The following BRINP2 variants were observed in gnomAD, a reference collection of about 807,000 sequenced individuals.
The protein encoded by BRINP2 is BMP/retinoic acid inducible neural specific 2, also known as BMP/retinoic acid-inducible neural-specific protein 2.
In BRINP2, 21 loss-of-function variants were observed where a neutral mutation model predicts 69.2. The observed-to-expected ratio is 0.30, with a 90% CI of 0.22 to 0.44. BRINP2 has a LOEUF of 0.44. BRINP2 is among the 20% of genes least tolerant of loss of function. BRINP2 has a pLI of 1.00. For missense variants in BRINP2, 877 were observed against 986.0 expected (o/e 0.89, Z 1.48); for synonymous variants, 380 against 394.1 (o/e 0.96, Z 0.42).
At chr1:177,231,164 G>A (rs1649852360) in intron 2 of BRINP2, among the ~76,000 whole-genome samples, 2 of 152,184 alleles carry the variant, frequency 1.3e-5, no homozygotes, top group Middle Eastern at 3.4e-3. Flanking sequence ...CAACTTGCAT[G>A]CCTTATATAA....
chr1:177,193,670 G>A (rs189800414), intron 1 of BRINP2, among the ~76,000 whole-genome samples: 10 of 152,306 alleles, frequency 6.6e-5, no homozygotes, highest in Admixed American at 2.0e-4. Context: ...CCACTAAAGC[G>A]TTCCTCAGGT....
chr1:177,194,371 C>T (rs916845035), intron 1 of BRINP2, among the ~76,000 whole-genome samples: 5 of 152,248 alleles, frequency 3.3e-5, no homozygotes, highest in African/African-American at 9.6e-5. Context: ...ATCCACCATC[C>T]AAGGAGGATA....
intron 2 of BRINP2, among the ~76,000 whole-genome samples, chr1:177,238,604 G>C (rs926318): frequency 0.36 from 53,970 of 151,934 alleles, 10,186 homozygotes; most frequent in South Asian, 0.54. Context: ...TGTGAGCTGG[G>C]GTCTCAATCC....
intron 1 of BRINP2, among the ~76,000 whole-genome samples, 160 bp downstream of exon 1, chr1:177,171,892 T>G (rs1431578997): frequency 6.6e-6 from 1 of 152,144 alleles, no homozygotes; most frequent in African/African-American, 2.4e-5. Flanking sequence ...GTTTCTGTCT[T>G]GTGGAGTTGA....
chr1:177,205,777 G>A (rs545809566), intron 1 of BRINP2, among the ~76,000 whole-genome samples: 1 of 152,348 alleles, frequency 6.6e-6, no homozygotes, highest in South Asian at 2.1e-4. Context: ...AATACCAATA[G>A]TTCTTGGTGA....
At chr1:177,220,500 C>A (rs979581381) in intron 1 of BRINP2, among the ~76,000 whole-genome samples, 1 of 152,106 alleles carries the variant, frequency 6.6e-6, no homozygotes, top group African/African-American at 2.4e-5. Context: ...ACCCCCTTCA[C>A]CTTCTGCCAT....
chr1:177,212,719 TTTTCCCCCAGCTC>T (rs1398931849), intron 1 of BRINP2, among the ~76,000 whole-genome samples: 1 of 152,108 alleles, frequency 6.6e-6, no homozygotes, highest in Non-Finnish European at 1.5e-5. Context: ...AATCAGAGCT[TTTTCCCCCAGCTC>T]TGGGTGTTAA....
chr1:177,197,874 G>T (rs1361172156), intron 1 of BRINP2, among the ~76,000 whole-genome samples: 1 of 152,088 alleles, frequency 6.6e-6, no homozygotes, highest in Non-Finnish European at 1.5e-5. Flanking sequence ...AGAGAGTGAA[G>T]GTAGGTCCTA....
chr1:177,241,578 C>T (rs1469334593), intron 2 of BRINP2, among the ~76,000 whole-genome samples: 1 of 152,126 alleles, frequency 6.6e-6, no homozygotes, highest in Non-Finnish European at 1.5e-5. Context: ...CCTTTTCCAT[C>T]TTTCTTCATG....
At chr1:177,186,790 C>T (rs1216267657) in intron 1 of BRINP2, among the ~76,000 whole-genome samples, 1 of 152,166 alleles carries the variant, frequency 6.6e-6, no homozygotes, top group Non-Finnish European at 1.5e-5. Context: ...GGGAACTTTG[C>T]ATCTTGTTCA....
At chr1:177,266,575 T>C (rs956334436) in intron 4 of BRINP2, among the ~76,000 whole-genome samples, 21 of 151,806 alleles carry the variant, frequency 1.4e-4, no homozygotes, top group African/African-American at 3.9e-4. Flanking sequence ...CTGGCTAACA[T>C]GGTGAAACCC....
chr1:177,241,742 G>A (rs1275765752), intron 2 of BRINP2, among the ~76,000 whole-genome samples: 3 of 152,104 alleles, frequency 2.0e-5, no homozygotes, highest in Non-Finnish European at 2.9e-5. Flanking sequence ...CTCAGGTCAG[G>A]CATTTCCCTC....
rs149982647 is a variant in BRINP2, at chr1:177,217,695, G to T, written c.-76-12106G>T. On this transcript the variant is annotated intron_variant, in intron 1 of 7. Coordinates refer to ENST00000361539, the MANE Select transcript of BRINP2 (RefSeq NM_021165.4). ...AATCTACCCCTATGATTCTGGATGGGTCATTCTGGATGAGTAATGATCCTG... is the reference window on the plus strand; with the variant it reads ...AATCTACCCCTATGATTCTGGATGGTTCATTCTGGATGAGTAATGATCCTG... Among the ~76,000 whole-genome samples the T allele has an allele frequency of 6.8e-3, 1,040 of 152,250 alleles. 12 individuals carry two copies. Among genetic ancestry groups the T allele is most frequent in the African/African-American group, 0.023 (971 of 41,536 alleles).
intron 1 of BRINP2, among the ~76,000 whole-genome samples, chr1:177,193,005 A>C (rs1386485558): frequency 6.6e-6 from 1 of 152,222 alleles, no homozygotes; most frequent in Non-Finnish European, 1.5e-5. Flanking sequence ...ACTGAACATA[A>C]CAACCTCACA....
At chr1:177,261,284 C>G (rs996617138) in intron 4 of BRINP2, among the ~76,000 whole-genome samples, 2 of 151,998 alleles carry the variant, frequency 1.3e-5, no homozygotes, top group African/African-American at 4.8e-5. Flanking sequence ...ATCCTGGAGA[C>G]CAGTGCAGTG....
At chr1:177,211,809 A>G (rs1236584532) in intron 1 of BRINP2, among the ~76,000 whole-genome samples, 1 of 152,198 alleles carries the variant, frequency 6.6e-6, no homozygotes, top group African/African-American at 2.4e-5. Context: ...TGTTTTGAAG[A>G]AATACTTTAA....
chr1:177,190,099 C>T (rs544862749), intron 1 of BRINP2, among the ~76,000 whole-genome samples: 74 of 152,336 alleles, frequency 4.9e-4, no homozygotes, highest in South Asian at 1.2e-3. Context: ...ATACCCTCAT[C>T]TTTTCTTTTC....
At chr1:177,217,189 C>A (rs2102315265) in intron 1 of BRINP2, among the ~76,000 whole-genome samples, 1 of 150,752 alleles carries the variant, frequency 6.6e-6, no homozygotes, top group East Asian at 1.9e-4. Context: ...CATAGATGTT[C>A]TTCATTCTTT....
At chr1:177,241,259 T>G (rs1650196547) in intron 2 of BRINP2, among the ~76,000 whole-genome samples, 1 of 152,160 alleles carries the variant, frequency 6.6e-6, no homozygotes, top group Non-Finnish European at 1.5e-5. Flanking sequence ...GCGTGAGCCA[T>G]TGCGCCCGGA....
Sources: gnomAD v4.1 joint callset for allele counts (sites outside exome capture counted in the v4.1 genomes callset) on GRCh38, gnomAD v4.1.1 for gene constraint, MANE v1.5 for transcripts, NCBI Gene and HGNC (gene_info 2026-07-23, HGNC 2026-07-21) for gene names.